Variants in ZBTB25 observed in about 807,000 individuals in gnomAD.
ZBTB25 encodes the protein zinc finger and BTB domain-containing protein 25.
ZBTB25 carries 20 observed loss-of-function variants against 34.2 expected under a neutral mutation model. The observed-to-expected ratio is 0.58, with a 90% CI of 0.41 to 0.85. The LOEUF is 0.85. Ranked by LOEUF, ZBTB25 falls within the 40% of genes least tolerant of loss-of-function variation. The pLI is 0.00. For missense variants in ZBTB25, 437 were observed against 521.8 expected, an observed-to-expected ratio of 0.84 and a Z score of 1.58; for synonymous variants, 175 against 186.4, an observed-to-expected ratio of 0.94 and a Z score of 0.50.
At chr14:64,502,679 G>A (rs1192774209) in intron 1 of ZBTB25, 1 of 985,420 alleles carries the variant, frequency 1.0e-6, no homozygotes, top group Admixed American at 6.1e-5. Context: ...CTCTACAGGT[G>A]AGTGGGGTAA....
chr14:64,499,819 T>G (rs551424615), intron 1 of ZBTB25, among the ~76,000 whole-genome samples: 9 of 152,346 alleles, frequency 5.9e-5, no homozygotes, highest in African/African-American at 2.2e-4. Context: ...ATCTGCTTAT[T>G]AAGATCTACT....
chr14:64,503,700 G>C lies in ZBTB25; in HGVS notation c.-47C>G. Reference sequence around the variant, plus strand: ...GGCGGCAGGCCGACTCCTCCGTGCAGGAGGGGCGGGCTCCCAAGCCGCGCA... The same window carrying C: ...GGCGGCAGGCCGACTCCTCCGTGCACGAGGGGCGGGCTCCCAAGCCGCGCA... On this transcript the variant is annotated 5_prime_UTR_variant, in exon 1 of 3. Transcript: ENST00000608382. 1 of 769,394 alleles carries C rather than the reference G, an allele frequency of 1.3e-6. No homozygotes were observed. The highest frequency in any genetic ancestry group is 1.6e-6 in the Non-Finnish European group (1 of 632,620). The allele number at this position is 769,394 out of a possible 1,614,324, so 47.7% of individuals were successfully genotyped here.
At chr14:64,493,399 T>C (rs2079157388) in intron 1 of ZBTB25, among the ~76,000 whole-genome samples, 2 of 152,204 alleles carry the variant, frequency 1.3e-5, no homozygotes, top group African/African-American at 2.4e-5. Context: ...TTATAGGTTA[T>C]TTGAATTTAA....
chr14:64,496,532 T>C (rs943500322), intron 1 of ZBTB25, among the ~76,000 whole-genome samples: 16 of 152,210 alleles, frequency 1.1e-4, no homozygotes, highest in African/African-American at 3.9e-4. Context: ...GTTGTTTATA[T>C]AGGTTATATT....
downstream of ZBTB25, among the ~76,000 whole-genome samples, chr14:64,477,490 A>C (rs768086804): frequency 6.6e-6 from 1 of 152,228 alleles, no homozygotes; most frequent in African/African-American, 2.4e-5. Flanking sequence ...GACAGCACAC[A>C]TGTGAAAAAA....
intron 1 of ZBTB25, among the ~76,000 whole-genome samples, chr14:64,495,706 C>T (rs2079249076): frequency 6.6e-6 from 1 of 152,206 alleles, no homozygotes; most frequent in Non-Finnish European, 1.5e-5. Flanking sequence ...CCTGTAATCC[C>T]AGAACTTTGG....
At position 64,484,355 on chromosome 14, in the gene ZBTB25, C is replaced by G. The variant is rs2078835703; in HGVS notation, c.*2568G>C. On this transcript the variant is annotated 3_prime_UTR_variant, in exon 3 of 3. Transcript: ENST00000608382. ...AACCATGTACAACTCTACCTCCACC[C>G]TTTAGCTATATACAAGGATTTCCTG... The G allele has an allele frequency of 6.6e-6, 1 of 152,278 alleles. No individual in the cohort carries two copies. Among genetic ancestry groups the G allele is most frequent in the Non-Finnish European group, 1.5e-5 (1 of 68,094 alleles). 9.4% of individuals were successfully genotyped at this position (152,278 alleles called of 1,614,324 possible).
At chr14:64,501,780 C>T (rs2079506769) in intron 1 of ZBTB25, among the ~76,000 whole-genome samples, 1 of 152,198 alleles carries the variant, frequency 6.6e-6, no homozygotes, top group African/African-American at 2.4e-5. Flanking sequence ...ACCTCCTCCC[C>T]AGCTAGACAG....
At position 64,487,978 on chromosome 14, in the gene ZBTB25, C is replaced by T. The variant is rs1423703210; in HGVS notation, c.253G>A (p.Gly85Arg). The change falls in exon 3 of 3, where the codon GGG (glycine) becomes AGG (arginine). Residue 85 changes from glycine to arginine, a missense_variant. Transcript: ENST00000608382. ...YLLHIMYTGK[G>R]PKQIVDHSRL... ...CTATGATCCACAATCTGTTTTGGCCCTTTCCCCGTGTACATAATGTGCAAC... is the reference window on the plus strand; with the variant it reads ...CTATGATCCACAATCTGTTTTGGCCTTTTCCCCGTGTACATAATGTGCAAC... The T allele has an allele frequency of 1.2e-6, 2 of 1,614,154 alleles. No homozygotes were observed. The highest frequency in any genetic ancestry group is 2.2e-5 in the South Asian group (2 of 91,082).
downstream of ZBTB25, among the ~76,000 whole-genome samples, chr14:64,476,426 A>C (rs2141009700): frequency 6.6e-6 from 1 of 152,274 alleles, no homozygotes; most frequent in East Asian, 1.9e-4. Context: ...CCCAGGTTCA[A>C]GCTATTCTCT....
chr14:64,494,799 C>T lies in ZBTB25; in HGVS notation c.-7-4259G>A, dbSNP rs186123505. ...TAAACTCTGAAACTTACATAGAGCA[C>T]TGAAGTTTACAGAGAACTTTCATAT... On this transcript the variant is annotated intron_variant, in intron 1 of 2. Transcript: ENST00000608382. Among the ~76,000 whole-genome samples, 222 of 152,148 alleles carry T rather than the reference C, an allele frequency of 1.5e-3. 2 individuals are homozygous for T. Among genetic ancestry groups the T allele is most frequent in the Admixed American group, 0.015 (222 of 15,298 alleles).
intron 1 of ZBTB25, among the ~76,000 whole-genome samples, chr14:64,496,738 T>C (rs1195806901): frequency 1.3e-5 from 2 of 152,258 alleles, no homozygotes; most frequent in Non-Finnish European, 2.9e-5. Flanking sequence ...TATCTGATTC[T>C]GCATTCAATC....
At chr14:64,469,748 C>G in intron 2 of ZBTB25, 1 of 1,129,210 alleles carries the variant, frequency 8.9e-7, no homozygotes, top group Non-Finnish European at 1.3e-6. Context: ...TGTGGCATTT[C>G]TTACTCAGTA....
intron 1 of ZBTB25, chr14:64,503,021 G>T (rs2079548515): frequency 1.0e-6 from 1 of 985,300 alleles, no homozygotes; most frequent in Non-Finnish European, 1.2e-6. Context: ...GCTAGGTGCC[G>T]TCAGGTTCCA....
chr14:64,486,918 A>C lies in ZBTB25; in HGVS notation c.*5T>G. ...ATTGGTATAAAAATTCTGAAAGAGA[A>C]GCTGCTACTCAACTAGGATAGTATC... On this transcript the variant is annotated 3_prime_UTR_variant, in exon 3 of 3. Coordinates refer to ENST00000608382, the MANE Select transcript of ZBTB25 (RefSeq NM_006977.5). 1 of 1,542,958 alleles carries C rather than the reference A, an allele frequency of 6.5e-7. No homozygotes were observed. The highest frequency in any genetic ancestry group is 1.2e-5 in the South Asian group (1 of 82,114).
In ZBTB25 at chr14:64,485,894, G is replaced by A. The variant is rs2078852975; in HGVS notation, c.*1029C>T. On this transcript the variant is annotated 3_prime_UTR_variant, in exon 3 of 3. Transcript: ENST00000608382. ...CAAGTTAACAACCCTGGGGTTTTTAGTCAATGCAGTTCTAGCTCAGTCTCT... is the reference window on the plus strand; with the variant it reads ...CAAGTTAACAACCCTGGGGTTTTTAATCAATGCAGTTCTAGCTCAGTCTCT... The A allele has an allele frequency of 1.0e-6, 1 of 985,236 alleles. No homozygotes were observed. Among genetic ancestry groups the A allele is most frequent in the Non-Finnish European group, 1.2e-6 (1 of 829,918 alleles). 61.0% of individuals were successfully genotyped at this position (985,236 alleles called of 1,614,324 possible).
At chr14:64,453,723 A>G (rs774766160) in intron 2 of ZBTB25, 1 of 1,311,128 alleles carries the variant, frequency 7.6e-7, no homozygotes, top group Non-Finnish European at 1.1e-6. Flanking sequence ...GTGTCCAGTC[A>G]TGGTGTCCCC....
At chr14:64,470,025 A>C (rs549346111) in intron 2 of ZBTB25, 1 of 188,490 alleles carries the variant, frequency 5.3e-6, no homozygotes, top group South Asian at 1.9e-4. Flanking sequence ...CCTCTGATAT[A>C]ACAAAGTCTG....
At chr14:64,504,716 G>A (rs2079609706), upstream of ZBTB25, 1 of 372,888 alleles carries the variant, frequency 2.7e-6, no homozygotes, top group African/African-American at 2.1e-5. Context: ...CGCGTAAGCG[G>A]GGCCGGCTCA....
Sources: gnomAD v4.1 joint callset for allele counts (sites outside exome capture counted in the v4.1 genomes callset) on GRCh38, gnomAD v4.1.1 for gene constraint, MANE v1.5 for transcripts, NCBI Gene and HGNC (gene_info 2026-07-23, HGNC 2026-07-21) for gene names.